The following COG5 variants were observed in gnomAD, a reference collection of about 807,000 sequenced individuals.
The protein encoded by COG5 is conserved oligomeric Golgi complex subunit 5.
Under a neutral mutation model 110.4 loss-of-function variants are expected in COG5, and 86 were observed. That is an observed-to-expected ratio of 0.78 (90% CI 0.65 to 0.93). The LOEUF is 0.93. COG5 is among the 40% of genes least tolerant of loss of function. COG5 has a pLI of 0.00. For missense variants in COG5, 1,077 were observed against 987.0 expected (o/e 1.09, Z -1.22); for synonymous variants, 360 against 334.6 (o/e 1.08, Z -0.83).
chr7:107,485,639 T>C (rs1265179580), intron 6 of COG5, among the ~76,000 whole-genome samples: 5 of 152,188 alleles, frequency 3.3e-5, no homozygotes, highest in African/African-American at 1.2e-4. Context: ...TACTATAGTA[T>C]ACAAGTCTTT....
At chr7:107,366,720 CCATTTTCCGTTCATATGAAGGGA>C (rs1268203433) in intron 8 of COG5, among the ~76,000 whole-genome samples, 1 of 152,084 alleles carries the variant, frequency 6.6e-6, no homozygotes, top group Admixed American at 6.6e-5. Flanking sequence ...ATGGGACCCT[CCATTTTCCGTTCATATGAAGGGA>C]CTTCAGCTAA....
chr7:107,348,877 A>G (rs893119729), intron 10 of COG5, among the ~76,000 whole-genome samples: 1 of 149,520 alleles, frequency 6.7e-6, no homozygotes, highest in Non-Finnish European at 1.5e-5. Flanking sequence ...TTTTTTTTTT[A>G]AAGAGATAGG....
chr7:107,557,224 G>C (rs1803389529), intron 2 of COG5, among the ~76,000 whole-genome samples: 1 of 152,106 alleles, frequency 6.6e-6, no homozygotes, highest in Non-Finnish European at 1.5e-5. Context: ...TATGTCTCAG[G>C]TTATACCAAA....
At chr7:107,243,374 G>A (rs1562930066) in intron 17 of COG5, among the ~76,000 whole-genome samples, 1 of 151,998 alleles carries the variant, frequency 6.6e-6, no homozygotes, top group Non-Finnish European at 1.5e-5. Context: ...TTAGCCGGGT[G>A]CGGTGGCGGG....
intron 14 of COG5, among the ~76,000 whole-genome samples, chr7:107,259,862 G>A (rs566817157): frequency 8.2e-4 from 124 of 152,102 alleles, no homozygotes; most frequent in African/African-American, 2.8e-3. Context: ...TATTTTGGGG[G>A]TTTCAAAGTA....
intron 11 of COG5, among the ~76,000 whole-genome samples, chr7:107,309,866 C>T (rs1191555940): frequency 6.6e-6 from 1 of 152,122 alleles, no homozygotes; most frequent in Admixed American, 6.5e-5. Flanking sequence ...GCTTTTATCC[C>T]TGTTCCTGCC....
At chr7:107,208,627 C>T (rs1199289200) in intron 21 of COG5, 1 of 985,340 alleles carries the variant, frequency 1.0e-6, no homozygotes, top group Non-Finnish European at 1.2e-6. Flanking sequence ...CAAAGCCTTT[C>T]CCGAGGGCAG....
intron 6 of COG5, among the ~76,000 whole-genome samples, chr7:107,512,422 C>A (rs1416560701): frequency 6.6e-6 from 1 of 151,996 alleles, no homozygotes; most frequent in East Asian, 1.9e-4. Flanking sequence ...GAAGAACATT[C>A]CATGCTCATG....
At chr7:107,218,171 A>G (rs568886523) in intron 19 of COG5, among the ~76,000 whole-genome samples, 2 of 152,202 alleles carry the variant, frequency 1.3e-5, no homozygotes, top group East Asian at 3.9e-4. Context: ...TTTGTACACT[A>G]AAAACCGTAA....
intron 6 of COG5, among the ~76,000 whole-genome samples, chr7:107,497,065 T>C (rs1798323476): frequency 6.6e-6 from 1 of 151,654 alleles, no homozygotes; most frequent in Non-Finnish European, 1.5e-5. Context: ...AATTAAAAAT[T>C]AGCCAGGCAT....
At chr7:107,266,379 C>T (rs2116686025) in intron 14 of COG5, among the ~76,000 whole-genome samples, 1 of 152,168 alleles carries the variant, frequency 6.6e-6, no homozygotes, top group East Asian at 1.9e-4. Flanking sequence ...AAGGCAAATT[C>T]TACTTAGGTT....
chr7:107,544,331 C>T (rs536493021), intron 5 of COG5, among the ~76,000 whole-genome samples: 2 of 152,228 alleles, frequency 1.3e-5, no homozygotes, highest in African/African-American at 2.4e-5. Context: ...AGCTAAAGGC[C>T]GGTCCAAGTG....
intron 14 of COG5, 141 bp from the exon 15 acceptor site, chr7:107,258,524 T>C (rs1426312191): frequency 2.9e-6 from 2 of 682,696 alleles, no homozygotes; most frequent in African/African-American, 3.5e-5. Context: ...ACAAAGAGAA[T>C]GTTAACTGGA....
intron 11 of COG5, among the ~76,000 whole-genome samples, chr7:107,299,858 T>A (rs1807096981): frequency 7.4e-6 from 1 of 134,552 alleles, no homozygotes; most frequent in Non-Finnish European, 1.6e-5. Context: ...TATATATATA[T>A]CTGGAATTAT....
intron 7 of COG5, among the ~76,000 whole-genome samples, chr7:107,393,856 G>C (rs1790797020): frequency 6.6e-6 from 1 of 152,144 alleles, no homozygotes. Context: ...TCTATGAATT[G>C]TCACTGTAAG....
chr7:107,320,853 G>A (rs1809202335), intron 11 of COG5, among the ~76,000 whole-genome samples: 2 of 152,140 alleles, frequency 1.3e-5, no homozygotes, highest in African/African-American at 4.8e-5. Context: ...TGGAAGCTCA[G>A]TGAACAGAAA....
intron 7 of COG5, among the ~76,000 whole-genome samples, chr7:107,377,518 A>C (rs1342936630): frequency 1.3e-5 from 2 of 152,142 alleles, no homozygotes; most frequent in Non-Finnish European, 2.9e-5. Context: ...TTGTTAAGTA[A>C]CTAAATTTTG....
intron 18 of COG5, among the ~76,000 whole-genome samples, chr7:107,231,849 TTTA>T (rs1374576549): frequency 6.6e-6 from 1 of 151,566 alleles, no homozygotes; most frequent in African/African-American, 2.4e-5. Flanking sequence ...GAAGGGGATA[TTTA>T]TTTATTAAAA....
intron 7 of COG5, among the ~76,000 whole-genome samples, chr7:107,374,653 C>A (rs1814473859): frequency 6.6e-6 from 1 of 152,124 alleles, no homozygotes; most frequent in South Asian, 2.1e-4. Context: ...CTTCTGAAAT[C>A]TATTGGCATT....
Sources: allele counts gnomAD v4.1 joint callset (sites outside exome capture counted in the v4.1 genomes callset), GRCh38; gene constraint gnomAD v4.1.1; transcripts MANE v1.5; gene names NCBI Gene and HGNC (gene_info 2026-07-23, HGNC 2026-07-21).